DTNA: variants seen among roughly 807,000 people sequenced by gnomAD.
DTNA encodes the protein dystrobrevin alpha, also known as dystrophin-related protein 3.
A neutral mutation model predicts 100.7 loss-of-function variants in DTNA; 43 were observed. The ratio of observed to expected loss-of-function variants is 0.43; its 90% CI spans 0.33 to 0.55. The LOEUF is 0.55. Ranked by LOEUF, DTNA falls within the 20% of genes least tolerant of loss-of-function variation. The pLI is 0.04. For missense variants in DTNA, 798 were observed against 953.9 expected (o/e 0.84, Z 2.15); for synonymous variants, 349 against 347.9 (o/e 1.00, Z -0.04).
intron 1 of DTNA, among the ~76,000 whole-genome samples, chr18:34,597,765 C>T (rs1192288345): frequency 6.6e-6 from 1 of 151,872 alleles, no homozygotes; most frequent in African/African-American, 2.4e-5. Context: ...TACCTTTCCC[C>T]ACCGCCCCCC....
At chr18:34,790,815 C>T (rs2094705313) in intron 3 of DTNA, among the ~76,000 whole-genome samples, 2 of 152,106 alleles carry the variant, frequency 1.3e-5, no homozygotes, top group South Asian at 2.1e-4. Flanking sequence ...AAACAGTAAG[C>T]GTGATAGCAT....
intron 13 of DTNA, among the ~76,000 whole-genome samples, chr18:34,841,628 T>C (rs762444716): frequency 6.6e-6 from 1 of 152,170 alleles, no homozygotes; most frequent in Admixed American, 6.6e-5. Flanking sequence ...TCCTAGAAGG[T>C]TGGATATGAT....
upstream of DTNA, among the ~76,000 whole-genome samples, chr18:34,706,794 A>C (rs892659142): frequency 7.2e-5 from 11 of 152,174 alleles, no homozygotes; most frequent in South Asian, 2.1e-4. Flanking sequence ...CTTGCAACAG[A>C]CTTGTTCTTT....
chr18:34,632,204 A>G (rs1360033818), intron 1 of DTNA, among the ~76,000 whole-genome samples: 1 of 152,132 alleles, frequency 6.6e-6, no homozygotes, highest in African/African-American at 2.4e-5. Context: ...ACAGGACATC[A>G]TGCTTTTCCT....
intron 4 of DTNA, among the ~76,000 whole-genome samples, chr18:34,800,685 C>T (rs982731614): frequency 6.6e-6 from 1 of 152,122 alleles, no homozygotes; most frequent in Non-Finnish European, 1.5e-5. Flanking sequence ...GAAATAATTC[C>T]TTCTGTCTGT....
chr18:34,559,199 T>C (rs2046405870), intron 1 of DTNA, among the ~76,000 whole-genome samples: 1 of 152,220 alleles, frequency 6.6e-6, no homozygotes, highest in South Asian at 2.1e-4. Context: ...GGGCATATTA[T>C]AAAAAAGTAA....
chr18:34,734,080 C>A (rs1304251228), intron 1 of DTNA, among the ~76,000 whole-genome samples: 1 of 152,204 alleles, frequency 6.6e-6, no homozygotes, highest in South Asian at 2.1e-4. Context: ...GTGTAGAGCA[C>A]CTCCTCATGG....
intron 1 of DTNA, among the ~76,000 whole-genome samples, chr18:34,615,819 T>G (rs2055161632): frequency 6.6e-6 from 1 of 152,172 alleles, no homozygotes; most frequent in African/African-American, 2.4e-5. Context: ...TAGCTCCCAC[T>G]TGTAAGTGAG....
intron 2 of DTNA, 95 bp from the exon 3 acceptor site, chr18:34,765,866 G>T (rs1012510201): frequency 8.5e-6 from 10 of 1,182,574 alleles, no homozygotes; most frequent in African/African-American, 7.7e-5. Context: ...AAAATTAGGG[G>T]TAAGGATCAT....
intron 19 of DTNA, among the ~76,000 whole-genome samples, chr18:34,878,328 T>C (rs2096839278): frequency 1.3e-5 from 2 of 152,216 alleles, no homozygotes; most frequent in Admixed American, 6.5e-5. Flanking sequence ...ACATACTCAA[T>C]GTAGAAAGTT....
Position 34,858,231 on chromosome 18 carries a change from A to G in DTNA, c.1533-54A>G, listed in dbSNP as rs2096575802. On this transcript the variant is annotated intron_variant, in intron 15 of 22. Coordinates refer to ENST00000444659, the MANE Select transcript of DTNA (RefSeq NM_001386795.1). ...GGTGGCCTTGATCTGCTCCGATGTT[A>G]GTTTCCTGAAAGCTAACTAACCTTG... The G allele has an allele frequency of 1.1e-5, 17 of 1,542,904 alleles. 1 individual carries two copies. The South Asian group carries it at 1.9e-4, about 17-fold the overall frequency.
At chr18:34,701,301 T>G (rs1199879709) in intron 1 of DTNA, among the ~76,000 whole-genome samples, 3 of 152,194 alleles carry the variant, frequency 2.0e-5, no homozygotes, top group African/African-American at 4.8e-5. Context: ...AATCTCCATA[T>G]TCCAAAGCCA....
At chr18:34,863,287 A>C (rs1226795411) in intron 16 of DTNA, among the ~76,000 whole-genome samples, 2 of 152,148 alleles carry the variant, frequency 1.3e-5, no homozygotes. Flanking sequence ...AGTTGTTTTC[A>C]TTCTTGCTGA....
Position 34,865,264 on chromosome 18 carries a change from T to G in DTNA, c.1743+1202T>G, listed in dbSNP as rs567948990. On this transcript the variant is annotated intron_variant, in intron 17 of 22. Coordinates refer to ENST00000444659, the MANE Select transcript of DTNA (RefSeq NM_001386795.1). Reference sequence around the variant, plus strand: ...CTGTCCTTTCTTTCTCTCTTTTTTTTGTCTGTCCTTTCTTTCTCTTTTTTT... The same window carrying G: ...CTGTCCTTTCTTTCTCTCTTTTTTTGGTCTGTCCTTTCTTTCTCTTTTTTT... 2.3e-4 allele frequency among the ~76,000 whole-genome samples: 35 copies of G among 151,108 alleles called. 1 individual carries two copies. Among genetic ancestry groups the G allele is most frequent in the South Asian group, 1.9e-3 (9 of 4,788 alleles).
Position 34,765,719 on chromosome 18 carries a change from C to G in DTNA, c.68-242C>G, listed in dbSNP as rs190610201. On this transcript the variant is annotated intron_variant, in intron 2 of 22. Coordinates refer to ENST00000444659, the MANE Select transcript of DTNA (RefSeq NM_001386795.1). ...AGGGATGACATTGTGTTTCTTGATCCAAGAATATGGTTTACAACCTAATCT... is the reference window on the plus strand; with the variant it reads ...AGGGATGACATTGTGTTTCTTGATCGAAGAATATGGTTTACAACCTAATCT... Among the ~76,000 whole-genome samples the G allele has an allele frequency of 6.4e-3, 980 of 152,274 alleles. 5 individuals carry two copies. Among genetic ancestry groups the G allele is most frequent in the African/African-American group, 0.023 (940 of 41,554 alleles).
At chr18:34,712,174 G>A (rs1048487737) in intron 1 of DTNA, among the ~76,000 whole-genome samples, 18 of 151,860 alleles carry the variant, frequency 1.2e-4, no homozygotes, top group Middle Eastern at 3.4e-3. Flanking sequence ...CACAGAGAGA[G>A]ACAAAAAAAT....
intron 17 of DTNA, chr18:34,866,968 G>C: frequency 8.6e-7 from 1 of 1,156,192 alleles, no homozygotes. Context: ...CCAGCAGGGG[G>C]AGCAGCAAAC....
chr18:34,541,905 T>C (rs2044283045), intron 1 of DTNA, among the ~76,000 whole-genome samples: 1 of 151,964 alleles, frequency 6.6e-6, no homozygotes, highest in Admixed American at 6.6e-5. Context: ...GACCTGGTGA[T>C]TGATTAGAAG....
intron 1 of DTNA, among the ~76,000 whole-genome samples, chr18:34,736,203 A>T (rs2147523996): frequency 6.6e-6 from 1 of 152,310 alleles, no homozygotes; most frequent in African/African-American, 2.4e-5. Flanking sequence ...AAGGAGAGCA[A>T]TACCACATTA....
Sources: gnomAD v4.1 joint callset for allele counts (sites outside exome capture counted in the v4.1 genomes callset) on GRCh38, gnomAD v4.1.1 for gene constraint, MANE v1.5 for transcripts, NCBI Gene and HGNC (gene_info 2026-07-23, HGNC 2026-07-21) for gene names.